The following LAS1L variants were observed in gnomAD, a reference collection of about 807,000 sequenced individuals.
LAS1L encodes ribosomal biogenesis protein LAS1L.
LAS1L carries 5 observed loss-of-function variants against 57.3 expected under a neutral mutation model. The ratio of observed to expected loss-of-function variants is 0.09; its 90% CI spans 0.05 to 0.18. The LOEUF (loss-of-function observed/expected upper bound fraction) is 0.18. Ranked by LOEUF, LAS1L falls within the 10% of genes least tolerant of loss-of-function variation. LAS1L has a pLI of 1.00. For synonymous variants in LAS1L, 245 were observed against 231.7 expected (o/e 1.06, Z -0.52); for missense variants, 360 against 568.3 (o/e 0.63, Z 3.73).
At chrX:65,533,504 G>C in intron 2 of LAS1L, 106 bp downstream of exon 2, 2 of 726,179 alleles carry the variant, frequency 2.8e-6, no homozygotes, top group Admixed American at 5.2e-5. Context: ...GGTACACGCA[G>C]GGTTTTGCTT....
At chrX:65,518,593 A>G (rs2068733621) in intron 11 of LAS1L, 128 bp from the exon 12 acceptor site, 1 of 994,073 alleles carries the variant, frequency 1.0e-6, no homozygotes, top group East Asian at 3.4e-5. Context: ...GTAGTAGAGC[A>G]GACAGAACAT....
rs778635439 is a variant in LAS1L, at chrX:65,514,196, T to C, written c.2078+627A>G. On this transcript the variant is annotated intron_variant, in intron 13 of 13. Transcript: ENST00000374811. Reference sequence around the variant, plus strand: ...GGCCCTTTGGATGGGCTCCTTTGTGTTACTAGCATAGCCCCTCAGCAAGGG... The same window carrying C: ...GGCCCTTTGGATGGGCTCCTTTGTGCTACTAGCATAGCCCCTCAGCAAGGG... Among the ~76,000 whole-genome samples, 4 of 111,704 alleles carry C rather than the reference T, an allele frequency of 3.6e-5. No individual in the cohort carries two copies. The South Asian group carries it at 1.5e-3, about 42-fold the overall frequency.
At chrX:65,518,841 G>A (rs2068741266) in intron 11 of LAS1L, 1 of 753,615 alleles carries the variant, frequency 1.3e-6, no homozygotes, top group African/African-American at 2.3e-5. Context: ...ACAGCCAACA[G>A]GCCTGCAGGG....
chrX:65,527,930 G>GT (rs2069253732), intron 7 of LAS1L, among the ~76,000 whole-genome samples: 1 of 112,357 alleles, frequency 8.9e-6, no homozygotes, highest in African/African-American at 3.2e-5. Context: ...GGGCTAGGCA[G>GT]TGAGTGAGGT....
At chrX:65,521,202 G>T (rs970155463) in intron 11 of LAS1L, 2 of 751,020 alleles carry the variant, frequency 2.7e-6, no homozygotes, top group African/African-American at 4.6e-5. Context: ...CTCAATAGGG[G>T]GATCAGGGAC....
At position 65,523,942 on chromosome X, in the gene LAS1L, A is replaced by T. The variant is rs1602611660; in HGVS notation, c.1300+114T>A. On this transcript the variant is annotated intron_variant, in intron 10 of 13. Transcript: ENST00000374811. ...GTGGGGCCCTCTTGGGCAAACCTAA[A>T]CCTTTAACACGGGAGGTGTTTGCCT... is the stretch of plus-strand genomic sequence containing the variant. The T allele has an allele frequency of 2.8e-5, 23 of 810,969 alleles. No individual in the cohort carries two copies. The East Asian group carries it at 7.9e-4, about 28-fold the overall frequency. The allele number at this position is 810,969 out of a possible 1,213,427, so 66.8% of individuals were successfully genotyped here.
At position 65,523,563 on chromosome X, in the gene LAS1L, C is replaced by G. The variant is rs768581652; in HGVS notation, c.1445G>C (p.Arg482Pro). 8.5e-7 allele frequency: 1 copy of G among 1,177,238 alleles called. No homozygotes were observed. Among genetic ancestry groups the G allele is most frequent in the South Asian group, 2.0e-5 (1 of 51,267 alleles). Residue 482 changes from arginine to proline, a missense_variant, in exon 11 of 14, where the codon CGG becomes CCG. By Grantham distance (103) the Arg-to-Pro change is moderately radical. Coordinates refer to ENST00000374811, the MANE Select transcript of LAS1L (RefSeq NM_031206.7). ...GGATGGAATTCAAGAGACTTACATC[C>G]GAAGGAGTTGGGGGCTGGCCCAGCA... ...SPCWASPQLLRIIFKAMGQGL... is the reference protein window; with the variant it reads ...SPCWASPQLLPIIFKAMGQGL...
chrX:65,529,662 C>T lies in LAS1L; in HGVS notation c.731G>A (p.Gly244Glu), dbSNP rs763933548. 6.6e-6 allele frequency: 8 copies of T among 1,211,769 alleles called. No homozygotes were observed. The South Asian group carries it at 1.1e-4, about 16-fold the overall frequency. ...CACCTCTTCGCTGCCTTTGCTGTCT[C>T]CATCGGCCTTTACATCTGACTCCGT... ...KSTESDVKAD[G>E]DSKGSEEVDS... is the part of the protein sequence containing the mutation. The change falls in exon 5 of 14, where the codon GGA becomes GAA. Residue 244 changes from glycine to glutamate, a missense_variant. This residue lies in a region of LAS1L where 51 missense variants were observed against 43.1 expected (regional missense o/e 1.18). Coordinates refer to ENST00000374811, the MANE Select transcript of LAS1L (RefSeq NM_031206.7).
At position 65,533,818 on chromosome X, in the gene LAS1L, T is replaced by C. The variant is rs965972509; in HGVS notation, c.237-83A>G. The stretch of plus-strand genomic sequence containing the variant: ...CCTCAGAACCTAGGTTGTTGCAGGC[T>C]ACACCCATCATATTCTGGTTCAAGA... On this transcript the variant is annotated intron_variant, in intron 1 of 13. Coordinates refer to ENST00000374811, the MANE Select transcript of LAS1L (RefSeq NM_031206.7). The C allele has an allele frequency of 3.9e-6, 4 of 1,016,637 alleles. No individual in the cohort carries two copies. The Admixed American group carries it at 1.0e-4, about 26-fold the overall frequency. The allele number at this position is 1,016,637 out of a possible 1,213,427, so 83.8% of individuals were successfully genotyped here.
chrX:65,528,484 G>T, intron 6 of LAS1L, 115 bp from the exon 7 acceptor site: 1 of 441,101 alleles, frequency 2.3e-6, no homozygotes, highest in Non-Finnish European at 3.9e-6. Flanking sequence ...GGACAGGGCA[G>T]GGCATGCAGG....
At chrX:65,515,061 AC>A in intron 12 of LAS1L, 88 bp from the exon 13 acceptor site, 1 of 940,316 alleles carries the variant, frequency 1.1e-6, no homozygotes, top group Non-Finnish European at 1.5e-6. Context: ...CCATCCACCC[AC>A]CCCACTTAGC....
In LAS1L at chrX:65,533,858, A is replaced by G. The variant is rs1396500498; in HGVS notation, c.237-123T>C. 3 of 736,967 alleles carry G rather than the reference A, an allele frequency of 4.1e-6. No individual in the cohort carries two copies. In the Admixed American group the frequency reaches 9.9e-5, roughly 24 times the overall value. 60.7% of individuals were successfully genotyped at this position (736,967 alleles called of 1,213,427 possible). Reference sequence around the variant, plus strand: ...CTGGTTCAAGAGAGCATGAACAGACACAAAACAAGAAGGTGGGAGGAGACA... The same window carrying G: ...CTGGTTCAAGAGAGCATGAACAGACGCAAAACAAGAAGGTGGGAGGAGACA... On this transcript the variant is annotated intron_variant, in intron 1 of 13. Coordinates refer to ENST00000374811, the MANE Select transcript of LAS1L (RefSeq NM_031206.7).
At chrX:65,520,284 T>C in intron 11 of LAS1L, 1 of 207,059 alleles carries the variant, frequency 4.8e-6, no homozygotes, top group Non-Finnish European at 7.2e-6. Context: ...TGTGTAGCTA[T>C]TAGATAAGTC....
chrX:65,534,748 G>T lies in LAS1L; in HGVS notation c.-33C>A, dbSNP rs2069725127. 1 of 1,072,335 alleles carries T rather than the reference G, an allele frequency of 9.3e-7. No individual in the cohort carries two copies. The highest frequency in any genetic ancestry group is 1.3e-6 in the Non-Finnish European group (1 of 790,603). The allele number at this position is 1,072,335 out of a possible 1,213,427, so 88.4% of individuals were successfully genotyped here. A position where few individuals can be genotyped will look rare whatever the true frequency, so the allele number is the denominator to read the frequency against. ...TCAACAACAGGCTCTGTGCCGCGCC[G>T]CTCCGCACAGCCTTCAGCTCAGCGT... On this transcript the variant is annotated 5_prime_UTR_variant, in exon 1 of 14. Coordinates refer to ENST00000374811, the MANE Select transcript of LAS1L (RefSeq NM_031206.7).
At position 65,512,838 on chromosome X, in the gene LAS1L, G is replaced by A. The variant is rs757159473; in HGVS notation, c.2142C>T (p.Phe714=). 15 of 1,166,318 alleles carry A rather than the reference G, an allele frequency of 1.3e-5. No individual in the cohort carries two copies. Among genetic ancestry groups the A allele is most frequent in the Non-Finnish European group, 1.7e-5 (15 of 872,738 alleles). ...GCCCCTGGCTCCAGAGAAGGCCCTCGAAGTTGCTGCTGCTGCTGTTGCTGC... is the reference window on the plus strand; with the variant it reads ...GCCCCTGGCTCCAGAGAAGGCCCTCAAAGTTGCTGCTGCTGCTGTTGCTGC... ...GNCSNSSSSN[F]EGLLWSQGQL... Residue 714 remains phenylalanine (F), a synonymous_variant, in exon 14 of 14, where the codon TTC becomes TTT. Coordinates refer to ENST00000374811, the MANE Select transcript of LAS1L (RefSeq NM_031206.7).
chrX:65,526,882 T>C (rs1454677093), intron 7 of LAS1L, among the ~76,000 whole-genome samples: 1 of 110,660 alleles, frequency 9.0e-6, no homozygotes, highest in Non-Finnish European at 1.9e-5. Flanking sequence ...ACCATGACTA[T>C]CCAAGGGATG....
At chrX:65,519,431 G>A (rs1041663430) in intron 11 of LAS1L, among the ~76,000 whole-genome samples, 15 of 112,004 alleles carry the variant, frequency 1.3e-4, no homozygotes, top group African/African-American at 3.9e-4. Flanking sequence ...AGCCTGTTCC[G>A]ACAGTTGAGG....
intron 11 of LAS1L, chrX:65,521,271 TC>T: frequency 1.3e-6 from 1 of 753,906 alleles, no homozygotes; most frequent in Non-Finnish European, 1.6e-6. Flanking sequence ...CTGGGTCAGC[TC>T]CCACCAAGGA....
At chrX:65,527,845 T>A (rs1474802093) in intron 7 of LAS1L, among the ~76,000 whole-genome samples, 6 of 108,211 alleles carry the variant, frequency 5.5e-5, no homozygotes, top group Non-Finnish European at 7.7e-5. Context: ...AAAAAATAAA[T>A]AAAAAATAAA....
Sources: gnomAD v4.1 joint callset for allele counts (sites outside exome capture counted in the v4.1 genomes callset) on GRCh38, gnomAD v4.1.1 for gene constraint, gnomAD v4.1.1 regional missense constraint, MANE v1.5 for transcripts, NCBI Gene and HGNC (gene_info 2026-07-23, HGNC 2026-07-21) for gene names.